Variants in SCAF11 observed in about 807,000 individuals in gnomAD.
SCAF11 encodes the protein protein SCAF11.
In SCAF11, 47 loss-of-function variants were observed where a neutral mutation model predicts 140.5. The observed-to-expected ratio is 0.33, with a 90% CI of 0.26 to 0.43. The LOEUF (loss-of-function observed/expected upper bound fraction) is 0.43, where lower values mean the gene tolerates loss of function less well. Ranked by LOEUF, SCAF11 falls within the 20% of genes least tolerant of loss-of-function variation. The probability of loss-of-function intolerance (pLI) is 1.00; values close to 1 mark genes in which losing one functional copy is unlikely to be tolerated. For synonymous variants in SCAF11, 557 were observed against 579.4 expected (o/e 0.96, Z 0.55); for missense variants, 1,645 against 1,705.1 (o/e 0.96, Z 0.62).
At chr12:45,948,135 G>T (rs553991053) in intron 5 of SCAF11, among the ~76,000 whole-genome samples, 4 of 152,220 alleles carry the variant, frequency 2.6e-5, no homozygotes, top group South Asian at 4.2e-4. Flanking sequence ...TCCTCACTAT[G>T]TTCCCCAGGC....
intron 1 of SCAF11, among the ~76,000 whole-genome samples, chr12:45,984,023 G>C (rs1978598): frequency 0.15 from 22,252 of 152,162 alleles, 2,096 homozygotes; most frequent in Middle Eastern, 0.21. Flanking sequence ...AAAGGAATAA[G>C]TATAAACTTT....
At chr12:45,952,379 GT>G (rs1167496852) in intron 3 of SCAF11, among the ~76,000 whole-genome samples, 1 of 152,090 alleles carries the variant, frequency 6.6e-6, no homozygotes, top group African/African-American at 2.4e-5. Flanking sequence ...ATGAATAAGA[GT>G]TTTTTACTTT....
intron 1 of SCAF11, among the ~76,000 whole-genome samples, chr12:45,984,316 C>T (rs1592230060): frequency 6.6e-6 from 1 of 151,788 alleles, no homozygotes; most frequent in Admixed American, 6.6e-5. Context: ...TATTTTTTTT[C>T]AGATGTAGTT....
chr12:45,984,695 C>CTTTTTT (rs539795330), intron 1 of SCAF11, among the ~76,000 whole-genome samples: 2 of 136,596 alleles, frequency 1.5e-5, no homozygotes, highest in South Asian at 2.3e-4. Flanking sequence ...TTCGCACTTC[C>CTTTTTT]TTTTTTTTTT....
Position 45,987,868 on chromosome 12 carries a change from G to T in SCAF11, c.-22+2485C>A, listed in dbSNP as rs181718003. Among the ~76,000 whole-genome samples, 194 of 152,300 alleles carry T rather than the reference G, an allele frequency of 1.3e-3. 1 individual carries two copies. The highest frequency in any genetic ancestry group is 4.4e-3 in the African/African-American group (183 of 41,566). On this transcript the variant is annotated intron_variant, in intron 1 of 14. Coordinates refer to ENST00000369367, the MANE Select transcript of SCAF11 (RefSeq NM_004719.3). ...AGCAAAGGTCACAGTGACTTTTTAG[G>T]AAGATATTTTTGAAAGCAAAATAGT...
chr12:45,972,897 T>TATGTATAGATATATAG (rs1946118451), intron 1 of SCAF11, among the ~76,000 whole-genome samples: 1 of 64,850 alleles, frequency 1.5e-5, no homozygotes, highest in African/African-American at 5.9e-5. Flanking sequence ...TATATAGATA[T>TATGTATAGATATATAG]ATATATATAT....
At chr12:45,975,398 CTTTTG>C (rs963318917) in intron 1 of SCAF11, 1 of 152,386 alleles carries the variant, frequency 6.6e-6, no homozygotes, top group Non-Finnish European at 1.5e-5. Flanking sequence ...CATTAAAAAT[CTTTTG>C]TTTAGTATAG....
chr12:45,926,391 A>G lies in SCAF11; in HGVS notation c.3310T>C (p.Ser1104Pro). The change falls in exon 11 of 15, where the codon TCA becomes CCA. Residue 1104 changes from serine (S) to proline (P), a missense_variant. By Grantham distance (74) the Ser-to-Pro change is moderately conservative (BLOSUM62 -1). This residue lies in a region of SCAF11 where 1,582 missense variants were observed against 1,609.2 expected (regional missense o/e 0.98). Coordinates refer to ENST00000369367, the MANE Select transcript of SCAF11 (RefSeq NM_004719.3). ...CTCCCTGAACTGTTTGAATTCCCTG[A>G]GAGGGGTTTTCGATTTTGCCACCGA... is the stretch of plus-strand genomic sequence containing the variant. ...ENRWQNRKPL[S>P]GNSNSSGSES... 1 of 1,614,156 alleles carries G rather than the reference A, an allele frequency of 6.2e-7. No homozygotes were observed. The highest frequency in any genetic ancestry group is 8.5e-7 in the Non-Finnish European group (1 of 1,180,016).
chr12:45,978,667 T>A (rs1263099680), intron 1 of SCAF11, among the ~76,000 whole-genome samples: 1 of 152,124 alleles, frequency 6.6e-6, no homozygotes. Flanking sequence ...GAAGAACTGG[T>A]GAATTTTTAT....
Position 45,923,028 on chromosome 12 carries a change from G to A in SCAF11, c.4033C>T (p.His1345Tyr). Residue 1345 changes from histidine (H) to tyrosine (Y), a missense_variant, in exon 13 of 15, where the codon CAC (histidine) becomes TAC (tyrosine). Coordinates refer to ENST00000369367, the MANE Select transcript of SCAF11 (RefSeq NM_004719.3). ...PSSGNTSSSS[H>Y]SKASNAAVKL... ...ACAGCAGCATTAGAGGCTTTGCTGTGACTTGATGACGAAGTATTACCAGAA... is the reference window on the plus strand; with the variant it reads ...ACAGCAGCATTAGAGGCTTTGCTGTAACTTGATGACGAAGTATTACCAGAA... The A allele has an allele frequency of 6.2e-7, 1 of 1,614,166 alleles. No individual in the cohort carries two copies.
intron 1 of SCAF11, among the ~76,000 whole-genome samples, chr12:45,981,231 T>C (rs577820101): frequency 6.6e-6 from 1 of 152,316 alleles, no homozygotes; most frequent in Non-Finnish European, 1.5e-5. Context: ...ACACAGGATA[T>C]GATTTGTTCG....
Position 45,969,885 on chromosome 12 carries a change from C to T in SCAF11, c.-21-5697G>A, listed in dbSNP as rs115011438. Among the ~76,000 whole-genome samples, 920 of 152,092 alleles carry T rather than the reference C, an allele frequency of 6.0e-3. 16 individuals are homozygous for T. The highest frequency in any genetic ancestry group is 0.021 in the African/African-American group (858 of 41,520). ...TCAAGTAGCTAGGACTGCAGGTGCA[C>T]ACCACCACATTCAACCATTTTTTTT... On this transcript the variant is annotated intron_variant, in intron 1 of 14. Transcript: ENST00000369367.
At chr12:45,983,057 G>T (rs1273138819) in intron 1 of SCAF11, among the ~76,000 whole-genome samples, 1 of 152,134 alleles carries the variant, frequency 6.6e-6, no homozygotes, top group African/African-American at 2.4e-5. Context: ...GGCAAGTAAA[G>T]AAAAATAATG....
intron 1 of SCAF11, among the ~76,000 whole-genome samples, chr12:45,966,736 GAAC>G (rs1426615337): frequency 6.6e-6 from 1 of 152,034 alleles, no homozygotes; most frequent in Non-Finnish European, 1.5e-5. Flanking sequence ...TATGTTCAAG[GAAC>G]AACAACAAAG....
upstream of SCAF11, among the ~76,000 whole-genome samples, chr12:45,991,046 G>C (rs997050588): frequency 6.6e-6 from 1 of 152,250 alleles, no homozygotes; most frequent in Non-Finnish European, 1.5e-5. Flanking sequence ...TTATCTTTAT[G>C]GTAATCTGAT....
intron 1 of SCAF11, among the ~76,000 whole-genome samples, chr12:45,976,083 C>T (rs899247525): frequency 2.0e-5 from 3 of 151,914 alleles, no homozygotes; most frequent in African/African-American, 7.3e-5. Context: ...AACTGAACTG[C>T]AATAAAAAGA....
chr12:45,926,230 A>T lies in SCAF11; in HGVS notation c.3471T>A (p.Asp1157Glu). The T allele has an allele frequency of 6.2e-7, 1 of 1,614,198 alleles. No homozygotes were observed. Among genetic ancestry groups the T allele is most frequent in the Non-Finnish European group, 8.5e-7 (1 of 1,180,032 alleles). The part of the protein sequence containing the change: ...SWAVRKTLPA[D>E]VQNYYSRRGR... Reference sequence around the variant, plus strand: ...CTCGTCGTGAGTAGTAGTTTTGTACATCTGCTGGCAAAGTCTTTCTCACGG... The same window carrying T: ...CTCGTCGTGAGTAGTAGTTTTGTACTTCTGCTGGCAAAGTCTTTCTCACGG... The change falls in exon 11 of 15, where the codon GAT becomes GAA. Residue 1157 changes from aspartate to glutamate, a missense_variant. By Grantham distance (45) the Asp-to-Glu change is conservative (BLOSUM62 2). Coordinates refer to ENST00000369367, the MANE Select transcript of SCAF11 (RefSeq NM_004719.3).
chr12:45,963,529 T>C (rs991242331), intron 2 of SCAF11, among the ~76,000 whole-genome samples: 39 of 152,028 alleles, frequency 2.6e-4, no homozygotes, highest in African/African-American at 6.8e-4. Flanking sequence ...GTGGATAAAA[T>C]AGATTAAAAA....
At position 45,925,390 on chromosome 12, in the gene SCAF11, T is replaced by TA. The variant is rs533372468; in HGVS notation, c.3560-317dup. Among the ~76,000 whole-genome samples the TA allele has an allele frequency of 7.5e-4, 114 of 151,944 alleles. 1 individual carries two copies. The South Asian group carries it at 0.021, about 28-fold the overall frequency. On this transcript the variant is annotated intron_variant, in intron 11 of 14. Transcript: ENST00000369367. ...CAACATGGTGAAACCCCGTCTCTAC[T>TA]AAAAAAATACAAAAATTAGCCAGGC...
Sources: allele counts gnomAD v4.1 joint callset (sites outside exome capture counted in the v4.1 genomes callset), GRCh38; gene constraint gnomAD v4.1.1; regional missense constraint gnomAD v4.1.1; transcripts MANE v1.5; gene names NCBI Gene and HGNC (gene_info 2026-07-23, HGNC 2026-07-21).